Variants in SPIRE1 observed in about 807,000 individuals in gnomAD.
The protein encoded by SPIRE1 is protein spire homolog 1.
SPIRE1 carries 40 observed loss-of-function variants against 94.1 expected under a neutral mutation model. The ratio of observed to expected loss-of-function variants is 0.43; its 90% CI spans 0.33 to 0.55. The LOEUF is 0.55. SPIRE1 is among the 20% of genes least tolerant of loss of function. SPIRE1 has a pLI of 0.06. For synonymous variants in SPIRE1, 376 were observed against 371.7 expected (o/e 1.01, Z -0.13); for missense variants, 838 against 975.2 (o/e 0.86, Z 1.87).
intron 3 of SPIRE1, among the ~76,000 whole-genome samples, chr18:12,538,963 C>A (rs1006561154): frequency 1.3e-5 from 2 of 152,212 alleles, no homozygotes; most frequent in African/African-American, 4.8e-5. Flanking sequence ...CTACCATTTT[C>A]TTTCATTAGA....
At chr18:12,533,705 G>A (rs2034755463) in intron 4 of SPIRE1, among the ~76,000 whole-genome samples, 1 of 152,118 alleles carries the variant, frequency 6.6e-6, no homozygotes, top group African/African-American at 2.4e-5. Flanking sequence ...ACCAGGCACT[G>A]TGCTTTATAA....
chr18:12,494,095 TAGAGA>T (rs1330890529), intron 7 of SPIRE1, among the ~76,000 whole-genome samples: 2 of 151,940 alleles, frequency 1.3e-5, no homozygotes, highest in Non-Finnish European at 2.9e-5. Flanking sequence ...AATTTCTTTG[TAGAGA>T]GAGGGTCTCT....
At chr18:12,651,607 G>A (rs2038382657) in intron 1 of SPIRE1, among the ~76,000 whole-genome samples, 1 of 152,140 alleles carries the variant, frequency 6.6e-6, no homozygotes, top group Admixed American at 6.5e-5. Flanking sequence ...CCAGGAAGCG[G>A]AGGCTGCAGT....
chr18:12,622,421 CT>C (rs71371281), intron 2 of SPIRE1, among the ~76,000 whole-genome samples: 1,376 of 114,830 alleles, frequency 0.012, 24 homozygotes, highest in African/African-American at 0.039. Context: ...TATGTCCAGT[CT>C]TTTTTTTTTT....
chr18:12,547,933 A>AAAC (rs34460586), intron 2 of SPIRE1, among the ~76,000 whole-genome samples: 3 of 152,130 alleles, frequency 2.0e-5, no homozygotes, highest in Admixed American at 6.5e-5. Flanking sequence ...ACAAACAAAC[A>AAAC]AACAACAACA....
chr18:12,452,585 C>A (rs1192054924), intron 14 of SPIRE1, 73 bp from the exon 15 acceptor site: 1 of 1,463,724 alleles, frequency 6.8e-7, no homozygotes. Flanking sequence ...AAGCCTATGG[C>A]AGTACAGTTG....
chr18:12,461,307 A>G (rs938062030), intron 12 of SPIRE1, among the ~76,000 whole-genome samples: 1 of 152,172 alleles, frequency 6.6e-6, no homozygotes, highest in South Asian at 2.1e-4. Flanking sequence ...GCCAGTTACA[A>G]GCTGAATGAT....
At chr18:12,631,635 G>A (rs2037784867) in intron 2 of SPIRE1, among the ~76,000 whole-genome samples, 1 of 151,954 alleles carries the variant, frequency 6.6e-6, no homozygotes. Context: ...CAACACTTTG[G>A]GAGGGTGAGG....
At chr18:12,600,259 C>T (rs995501163) in intron 2 of SPIRE1, among the ~76,000 whole-genome samples, 4 of 152,162 alleles carry the variant, frequency 2.6e-5, no homozygotes, top group African/African-American at 9.7e-5. Flanking sequence ...AGACCCTGAA[C>T]AGAGGACCCA....
intron 12 of SPIRE1, among the ~76,000 whole-genome samples, chr18:12,461,654 G>T (rs1020119416): frequency 7.4e-6 from 1 of 135,252 alleles, no homozygotes; most frequent in Admixed American, 7.3e-5. Flanking sequence ...TAGAGACAGG[G>T]TCTTGCTGTG....
rs578093683 is a variant in SPIRE1, at chr18:12,538,896, T to C, written c.604-3295A>G. Among the ~76,000 whole-genome samples the C allele has an allele frequency of 9.8e-5, 15 of 152,324 alleles. No homozygotes were observed. In the East Asian group the frequency reaches 2.3e-3, roughly 23 times the overall value. On this transcript the variant is annotated intron_variant, in intron 3 of 16. Coordinates refer to ENST00000409402, the MANE Select transcript of SPIRE1 (RefSeq NM_001128626.2). Reference sequence around the variant, plus strand: ...TCTTGTTGTTTCTACCTTCAAAATATACCACCTGACAGTTCTCTACTTTTC... The same window carrying C: ...TCTTGTTGTTTCTACCTTCAAAATACACCACCTGACAGTTCTCTACTTTTC...
At chr18:12,465,852 A>G (rs562079) in intron 10 of SPIRE1, among the ~76,000 whole-genome samples, 114,121 of 152,020 alleles carry the variant, frequency 0.75, 43,563 homozygotes, top group Middle Eastern at 0.93. Context: ...TTGGGAGGCC[A>G]AGACGGGCAG....
chr18:12,505,922 TA>T (rs1176704636), intron 6 of SPIRE1, among the ~76,000 whole-genome samples: 1 of 152,164 alleles, frequency 6.6e-6, no homozygotes, highest in Non-Finnish European at 1.5e-5. Context: ...TTTGACCAAA[TA>T]AAGTGCATAG....
intron 1 of SPIRE1, chr18:12,653,358 G>A (rs1182417460): frequency 1.3e-5 from 2 of 152,236 alleles, no homozygotes; most frequent in African/African-American, 4.8e-5. Context: ...ATTAGAGGAA[G>A]AAGGAAACTA....
At chr18:12,513,233 C>G (rs1436780289) in intron 4 of SPIRE1, among the ~76,000 whole-genome samples, 1 of 152,104 alleles carries the variant, frequency 6.6e-6, no homozygotes, top group Non-Finnish European at 1.5e-5. Flanking sequence ...CAAACTGCAT[C>G]AATTCAACAC....
chr18:12,641,421 T>G (rs1598574111), intron 1 of SPIRE1, among the ~76,000 whole-genome samples: 1 of 151,122 alleles, frequency 6.6e-6, no homozygotes, highest in Admixed American at 6.6e-5. Context: ...CAGTCTAGAG[T>G]GCAGTGGCAC....
At chr18:12,638,057 A>C (rs2037984187) in intron 1 of SPIRE1, among the ~76,000 whole-genome samples, 2 of 152,208 alleles carry the variant, frequency 1.3e-5, no homozygotes, top group African/African-American at 4.8e-5. Context: ...ATTCCTGCTC[A>C]AAAGCTAATC....
At chr18:12,571,783 A>G (rs2035965725) in intron 2 of SPIRE1, among the ~76,000 whole-genome samples, 3 of 152,254 alleles carry the variant, frequency 2.0e-5, no homozygotes, top group Non-Finnish European at 2.9e-5. Flanking sequence ...GTCAACAGAC[A>G]TTTCCCAAGA....
intron 2 of SPIRE1, among the ~76,000 whole-genome samples, chr18:12,551,490 G>A (rs948732638): frequency 1.2e-4 from 19 of 152,102 alleles, no homozygotes; most frequent in South Asian, 4.2e-4. Flanking sequence ...TCACGAGGTC[G>A]GGAGATTGAG....
Sources: gnomAD v4.1 joint callset for allele counts (sites outside exome capture counted in the v4.1 genomes callset) on GRCh38, gnomAD v4.1.1 for gene constraint, MANE v1.5 for transcripts, NCBI Gene and HGNC (gene_info 2026-07-23, HGNC 2026-07-21) for gene names.